Variants in MARCHF1 observed in about 807,000 individuals in gnomAD.
MARCHF1 encodes E3 ubiquitin-protein ligase MARCHF1.
In MARCHF1, 40 loss-of-function variants were observed where a neutral mutation model predicts 54.2. The ratio of observed to expected loss-of-function variants is 0.74; its 90% CI spans 0.57 to 0.96. The LOEUF (loss-of-function observed/expected upper bound fraction) is 0.96. MARCHF1 is among the 40% of genes least tolerant of loss of function. The probability of loss-of-function intolerance (pLI) is 0.00; values close to 1 mark genes in which losing one functional copy is unlikely to be tolerated. For missense variants in MARCHF1, 586 were observed against 656.5 expected (o/e 0.89, Z 1.17); for synonymous variants, 236 against 236.3 (o/e 1.00, Z 0.01).
chr4:164,100,471 C>G (rs1755518055), intron 2 of MARCHF1, among the ~76,000 whole-genome samples: 1 of 152,234 alleles, frequency 6.6e-6, no homozygotes, highest in Non-Finnish European at 1.5e-5. Flanking sequence ...ACAGGTACTT[C>G]CAACTTCTGG....
At chr4:164,097,898 A>G (rs749048394) in intron 2 of MARCHF1, among the ~76,000 whole-genome samples, 3 of 152,152 alleles carry the variant, frequency 2.0e-5, no homozygotes, top group East Asian at 3.9e-4. Flanking sequence ...TACTCATCGC[A>G]GTTTATCTTC....
intron 7 of MARCHF1, among the ~76,000 whole-genome samples, chr4:163,597,687 T>C (rs1432431049): frequency 6.6e-6 from 1 of 152,192 alleles, no homozygotes; most frequent in African/African-American, 2.4e-5. Flanking sequence ...TCACTTTTTT[T>C]CTCATTCTTT....
chr4:163,621,286 C>T (rs1741689198), intron 5 of MARCHF1, among the ~76,000 whole-genome samples: 1 of 152,184 alleles, frequency 6.6e-6, no homozygotes, highest in South Asian at 2.1e-4. Context: ...ACTCTCAATC[C>T]TGTCTAAAAA....
At chr4:163,689,627 T>C (rs1194028617) in intron 5 of MARCHF1, among the ~76,000 whole-genome samples, 2 of 152,104 alleles carry the variant, frequency 1.3e-5, no homozygotes, top group African/African-American at 2.4e-5. Flanking sequence ...AACTAACTAC[T>C]TGTTACTGTA....
rs575181257 is a variant in MARCHF1 at position 163,798,190 on chromosome 4, A to G, written c.111+55831T>C. ...GATCCAATAGGAACACGTGCCTTAT[A>G]CAAAGAGAAAGAAAGAGAAATGTCT... On this transcript the variant is annotated intron_variant, in intron 4 of 9. Transcript: ENST00000514618. 7.2e-5 allele frequency among the ~76,000 whole-genome samples: 11 copies of G among 152,298 alleles called. No homozygotes were observed. In the South Asian group the frequency reaches 2.3e-3, roughly 32 times the overall value.
At chr4:164,307,341 A>C (rs1734723314) in intron 1 of MARCHF1, among the ~76,000 whole-genome samples, 1 of 152,248 alleles carries the variant, frequency 6.6e-6, no homozygotes, top group African/African-American at 2.4e-5. Context: ...GATGCATTAA[A>C]GAGGATGGAG....
chr4:164,347,357 G>T (rs949046775), intron 1 of MARCHF1, among the ~76,000 whole-genome samples: 8 of 152,128 alleles, frequency 5.3e-5, no homozygotes, highest in African/African-American at 1.2e-4. Context: ...TATGGCTGAA[G>T]AATCAGGTAA....
At chr4:163,734,432 C>G (rs1011313222) in intron 4 of MARCHF1, among the ~76,000 whole-genome samples, 16 of 151,726 alleles carry the variant, frequency 1.1e-4, no homozygotes, top group African/African-American at 3.6e-4. Flanking sequence ...AACTAAATAC[C>G]GGTGAAATTT....
intron 1 of MARCHF1, among the ~76,000 whole-genome samples, chr4:164,217,951 C>T (rs988841569): frequency 1.3e-5 from 2 of 152,048 alleles, no homozygotes; most frequent in Non-Finnish European, 2.9e-5. Flanking sequence ...AAAAAGATGG[C>T]CTAACTTCTG....
At chr4:163,723,064 A>T (rs994788201) in intron 4 of MARCHF1, among the ~76,000 whole-genome samples, 8 of 152,160 alleles carry the variant, frequency 5.3e-5, no homozygotes, top group African/African-American at 1.7e-4. Flanking sequence ...TTATCCTGTC[A>T]TTATGATGTT....
intron 2 of MARCHF1, among the ~76,000 whole-genome samples, chr4:164,054,310 CTT>C (rs1357513930): frequency 6.6e-6 from 1 of 151,986 alleles, no homozygotes; most frequent in African/African-American, 2.4e-5. Flanking sequence ...AATAGGAACA[CTT>C]TGACACTGTT....
At chr4:163,669,059 T>C (rs923565122) in intron 5 of MARCHF1, among the ~76,000 whole-genome samples, 1 of 152,122 alleles carries the variant, frequency 6.6e-6, no homozygotes, top group Non-Finnish European at 1.5e-5. Context: ...AGCTGAGTGA[T>C]TTTCAGTGGA....
intron 1 of MARCHF1, among the ~76,000 whole-genome samples, chr4:164,230,762 A>G (rs1472169296): frequency 6.6e-6 from 1 of 152,170 alleles, no homozygotes; most frequent in Non-Finnish European, 1.5e-5. Flanking sequence ...GTTTTGAGTT[A>G]CTAAATTCAG....
At chr4:163,974,610 T>A (rs1290880146) in intron 3 of MARCHF1, among the ~76,000 whole-genome samples, 1 of 152,198 alleles carries the variant, frequency 6.6e-6, no homozygotes, top group Non-Finnish European at 1.5e-5. Context: ...GTATTTGTTT[T>A]AAGCTACTCA....
chr4:163,943,985 T>G (rs1304451699), intron 3 of MARCHF1, among the ~76,000 whole-genome samples: 1 of 152,072 alleles, frequency 6.6e-6, no homozygotes, highest in East Asian at 1.9e-4. Context: ...TTGTTTTTTT[T>G]GAGACTGAGT....
chr4:163,934,872 C>T (rs1239820766), intron 3 of MARCHF1, among the ~76,000 whole-genome samples: 1 of 152,100 alleles, frequency 6.6e-6, no homozygotes, highest in Non-Finnish European at 1.5e-5. Flanking sequence ...ATCTCCTCCC[C>T]TGAATCACAA....
At chr4:163,862,692 A>T (rs1259209696) in intron 3 of MARCHF1, among the ~76,000 whole-genome samples, 1 of 152,068 alleles carries the variant, frequency 6.6e-6, no homozygotes, top group Non-Finnish European at 1.5e-5. Context: ...TTATCATACA[A>T]TCCAGCAACT....
chr4:163,726,099 T>A (rs1453339122), intron 4 of MARCHF1, among the ~76,000 whole-genome samples: 2 of 152,210 alleles, frequency 1.3e-5, no homozygotes, highest in Non-Finnish European at 2.9e-5. Context: ...GTCCCATTTG[T>A]TACAATTCAT....
chr4:163,898,902 G>T (rs1345124303), intron 3 of MARCHF1, among the ~76,000 whole-genome samples: 1 of 152,108 alleles, frequency 6.6e-6, no homozygotes, highest in Non-Finnish European at 1.5e-5. Flanking sequence ...AGGTGGAGCT[G>T]GAGTCTTTTA....
Sources: gnomAD v4.1 joint callset for allele counts (sites outside exome capture counted in the v4.1 genomes callset) on GRCh38, gnomAD v4.1.1 for gene constraint, MANE v1.5 for transcripts, NCBI Gene and HGNC (gene_info 2026-07-23, HGNC 2026-07-21) for gene names.